The following EPB41L2 variants were observed in gnomAD, a reference collection of about 807,000 sequenced individuals.
EPB41L2 encodes the protein erythrocyte membrane protein band 4.1 like 2.
In EPB41L2, 43 loss-of-function variants were observed where a neutral mutation model predicts 113.0. That is an observed-to-expected ratio of 0.38 (90% CI 0.30 to 0.49). The LOEUF (loss-of-function observed/expected upper bound fraction) is 0.49. Ranked by LOEUF, EPB41L2 falls within the 20% of genes least tolerant of loss-of-function variation. The pLI is 0.95. For synonymous variants in EPB41L2, 442 were observed against 436.7 expected, an observed-to-expected ratio of 1.01 and a Z score of -0.15; for missense variants, 1,147 against 1,223.4, an observed-to-expected ratio of 0.94 and a Z score of 0.93.
chr6:130,898,101 TA>T (rs3836923), intron 8 of EPB41L2, among the ~76,000 whole-genome samples: 98,504 of 143,884 alleles, frequency 0.68, 33,662 homozygotes, highest in East Asian at 0.87. Flanking sequence ...CCCAGGGGTC[TA>T]AAAAAAAAAA....
chr6:130,896,137 A>G (rs905629718), intron 8 of EPB41L2, among the ~76,000 whole-genome samples: 1 of 152,242 alleles, frequency 6.6e-6, no homozygotes, highest in Non-Finnish European at 1.5e-5. Flanking sequence ...TGTCTATCTT[A>G]TTACTCAGAA....
At chr6:130,926,518 A>T in intron 4 of EPB41L2, 87 bp downstream of exon 4, 1 of 983,830 alleles carries the variant, frequency 1.0e-6, no homozygotes, top group Non-Finnish European at 1.5e-6. Flanking sequence ...AAGTTATTTT[A>T]AAGCTAAATT....
At chr6:130,995,701 G>T (rs1208135101) in intron 1 of EPB41L2, among the ~76,000 whole-genome samples, 3 of 152,172 alleles carry the variant, frequency 2.0e-5, no homozygotes, top group Non-Finnish European at 2.9e-5. Flanking sequence ...AATGTGAAAT[G>T]TAGCACTCAT....
In EPB41L2 at chr6:131,013,394, A is replaced by C. The variant is rs185219550; in HGVS notation, c.-15+49761T>G. 1.4e-3 allele frequency among the ~76,000 whole-genome samples: 215 copies of C among 152,108 alleles called. 1 individual carries two copies. The highest frequency in any genetic ancestry group is 5.1e-3 in the African/African-American group (211 of 41,534). On this transcript the variant is annotated intron_variant, in intron 1 of 19. Coordinates refer to ENST00000337057, the MANE Select transcript of EPB41L2 (RefSeq NM_001431.4). ...AAAATATAAATGCTACTTTTTTTTT[A>C]AGTATCACATTATTTCCCACTTGCA...
chr6:130,921,304 T>C (rs989200088), intron 4 of EPB41L2, among the ~76,000 whole-genome samples: 1 of 152,170 alleles, frequency 6.6e-6, no homozygotes, highest in African/African-American at 2.4e-5. Flanking sequence ...CAGCATGAGA[T>C]ACAAGATCCA....
intron 4 of EPB41L2, among the ~76,000 whole-genome samples, chr6:130,912,971 C>A (rs1799885045): frequency 6.6e-6 from 1 of 152,060 alleles, no homozygotes; most frequent in Admixed American, 6.5e-5. Flanking sequence ...CTTCCAAATC[C>A]CCAATTTCAT....
intron 1 of EPB41L2, among the ~76,000 whole-genome samples, chr6:131,024,706 T>C (rs551977551): frequency 6.6e-6 from 1 of 152,298 alleles, no homozygotes; most frequent in East Asian, 1.9e-4. Flanking sequence ...TACGACGCAC[T>C]AGGTGTTATA....
chr6:130,950,092 C>T (rs1048469163), intron 3 of EPB41L2, among the ~76,000 whole-genome samples: 6 of 152,110 alleles, frequency 3.9e-5, no homozygotes, highest in Non-Finnish European at 7.4e-5. Context: ...ACCCCTAACT[C>T]CCTCCTTGTT....
At chr6:131,051,202 T>C (rs552580745) in intron 1 of EPB41L2, among the ~76,000 whole-genome samples, 1 of 152,060 alleles carries the variant, frequency 6.6e-6, no homozygotes, top group East Asian at 1.9e-4. Context: ...TCACCTGACT[T>C]TTCTACCTCC....
rs577157523 is a variant in EPB41L2, at chr6:131,004,321, C to G, written c.-14-47822G>C. ...GAACCTGGGGGTGTAAGCTCCAATC[C>G]TCAATCTGTAAAATGAGGTTAAGGA... is the stretch of plus-strand genomic sequence containing the variant. On this transcript the variant is annotated intron_variant, in intron 1 of 19. Coordinates refer to ENST00000337057, the MANE Select transcript of EPB41L2 (RefSeq NM_001431.4). Among the ~76,000 whole-genome samples, 4 of 152,222 alleles carry G rather than the reference C, an allele frequency of 2.6e-5. No individual in the cohort carries two copies. In the East Asian group the frequency reaches 7.7e-4, roughly 29 times the overall value.
intron 1 of EPB41L2, among the ~76,000 whole-genome samples, chr6:130,998,109 C>T (rs1279498503): frequency 2.0e-5 from 3 of 152,134 alleles, no homozygotes; most frequent in Admixed American, 6.5e-5. Context: ...GAGAAATGTA[C>T]TACCAATGAC....
chr6:131,027,700 A>G (rs1365228873), intron 1 of EPB41L2, among the ~76,000 whole-genome samples: 1 of 152,150 alleles, frequency 6.6e-6, no homozygotes, highest in Non-Finnish European at 1.5e-5. Context: ...AGGAATGGAT[A>G]CCCCATTCTC....
chr6:130,943,606 T>C (rs1053328656), intron 3 of EPB41L2, among the ~76,000 whole-genome samples: 4 of 152,216 alleles, frequency 2.6e-5, no homozygotes, highest in African/African-American at 9.6e-5. Context: ...AGTTAGAAAT[T>C]ACTTTCAAGT....
At chr6:131,019,747 G>A (rs1789026410) in intron 1 of EPB41L2, among the ~76,000 whole-genome samples, 1 of 151,986 alleles carries the variant, frequency 6.6e-6, no homozygotes, top group African/African-American at 2.4e-5. Context: ...AATATACTAT[G>A]TATAATAGAT....
At chr6:130,863,418 A>G (rs952878595) in intron 18 of EPB41L2, among the ~76,000 whole-genome samples, 61 of 152,354 alleles carry the variant, frequency 4.0e-4, no homozygotes, top group Middle Eastern at 6.8e-3. Context: ...CCAAAAGTGC[A>G]TGTAAAGCCA....
chr6:130,996,789 G>T (rs566500369), intron 1 of EPB41L2, among the ~76,000 whole-genome samples: 1 of 152,176 alleles, frequency 6.6e-6, no homozygotes, highest in Non-Finnish European at 1.5e-5. Context: ...AATGGTAACG[G>T]TAATTATTCC....
Position 130,956,272 on chromosome 6 carries a change from T to C in EPB41L2, c.214A>G (p.Arg72Gly), listed in dbSNP as rs1327628361. 3.7e-6 allele frequency: 6 copies of C among 1,614,218 alleles called. No homozygotes were observed. Among genetic ancestry groups the C allele is most frequent in the East Asian group, 2.2e-5 (1 of 44,886 alleles). ...GGCGGTATGAACCGAGAAATACCCC[T>C]GCTCTCCGATGTTTCCTTCTCTCTC... ...QKREKETSES[R>G]GISRFIPPWL... Residue 72 changes from arginine (R) to glycine (G), a missense_variant, in exon 2 of 20, where the codon AGG (arginine) becomes GGG (glycine). By Grantham distance (125) the Arg-to-Gly change is moderately radical. Coordinates refer to ENST00000337057, the MANE Select transcript of EPB41L2 (RefSeq NM_001431.4).
At chr6:130,848,199 TCA>T (rs66469665) in intron 19 of EPB41L2, among the ~76,000 whole-genome samples, 6,030 of 113,270 alleles carry the variant, frequency 0.053, 144 homozygotes, top group Middle Eastern at 0.086. Flanking sequence ...TCTCTCTCTC[TCA>T]CACACACACA....
At chr6:130,997,933 TA>T (rs35835208) in intron 1 of EPB41L2, among the ~76,000 whole-genome samples, 10 of 152,008 alleles carry the variant, frequency 6.6e-5, no homozygotes, top group African/African-American at 1.9e-4. Flanking sequence ...AAATTATAAC[TA>T]AAAAAAATCA....
Sources: gnomAD v4.1 joint callset for allele counts (sites outside exome capture counted in the v4.1 genomes callset) on GRCh38, gnomAD v4.1.1 for gene constraint, MANE v1.5 for transcripts, NCBI Gene and HGNC (gene_info 2026-07-23, HGNC 2026-07-21) for gene names.